Variants in CHD7 observed in about 807,000 individuals in gnomAD.
The protein encoded by CHD7 is ATP-dependent chromatin remodeler CHD7.
A neutral mutation model predicts 307.3 loss-of-function variants in CHD7; 24 were observed. That is an observed-to-expected ratio of 0.08 (90% CI 0.06 to 0.11). The LOEUF is 0.11. CHD7 is among the 10% of genes least tolerant of loss of function. The pLI is 1.00. For synonymous variants in CHD7, 1,363 were observed against 1,349.9 expected (o/e 1.01, Z -0.21); for missense variants, 3,106 against 3,727.1 (o/e 0.83, Z 4.34).
chr8:60,703,642 C>G (rs893655425), intron 1 of CHD7, among the ~76,000 whole-genome samples: 3 of 152,210 alleles, frequency 2.0e-5, no homozygotes, highest in Non-Finnish European at 4.4e-5. Context: ...ACAAGCTGAT[C>G]CATGATCTTG....
chr8:60,853,083 C>G lies in CHD7; in HGVS notation c.6358C>G (p.Pro2120Ala), dbSNP rs375490876. ...GACGGATTATCACATCCTCAATGAC[C>G]CTGAGTTATCCTTCTTGGATGCACA... ...SRTDYHILND[P>A]ELSFLDAHKN... is the part of the protein sequence containing the mutation. Residue 2120 changes from proline (P) to alanine (A), a missense_variant, in exon 31 of 38, where the codon CCT (proline) becomes GCT (alanine). Around this residue, in one of 10 missense-constraint regions of CHD7, gnomAD observed 1,030 missense variants for 1,165.4 expected, o/e 0.88. Coordinates refer to ENST00000423902, the MANE Select transcript of CHD7 (RefSeq NM_017780.4). 6 of 1,613,784 alleles carry G rather than the reference C, an allele frequency of 3.7e-6. No individual in the cohort carries two copies. The African/African-American group carries it at 6.7e-5, about 18-fold the overall frequency.
intron 2 of CHD7, among the ~76,000 whole-genome samples, chr8:60,746,865 T>G (rs1227724585): frequency 6.6e-6 from 1 of 152,210 alleles, no homozygotes; most frequent in East Asian, 1.9e-4. Flanking sequence ...GATTATTTGA[T>G]AAGATTTACA....
intron 1 of CHD7, among the ~76,000 whole-genome samples, chr8:60,699,980 A>G (rs1432464801): frequency 1.3e-5 from 2 of 151,616 alleles, no homozygotes; most frequent in Non-Finnish European, 2.9e-5. Flanking sequence ...ACAGGCATGC[A>G]CCACCATGCC....
At chr8:60,718,518 T>C (rs1468810651) in intron 1 of CHD7, among the ~76,000 whole-genome samples, 1 of 151,864 alleles carries the variant, frequency 6.6e-6, no homozygotes, top group Non-Finnish European at 1.5e-5. Context: ...AAAACTAAAC[T>C]AAATTAAACA....
intron 1 of CHD7, among the ~76,000 whole-genome samples, chr8:60,697,939 C>A (rs1415602544): frequency 6.6e-6 from 1 of 152,204 alleles, no homozygotes; most frequent in African/African-American, 2.4e-5. Flanking sequence ...TCCTCAGCTA[C>A]TGGACCAAAT....
At position 60,755,473 on chromosome 8, in the gene CHD7, G is replaced by C. The variant is rs150643831; in HGVS notation, c.1665+12376G>C. On this transcript the variant is annotated intron_variant, in intron 2 of 37. Coordinates refer to ENST00000423902, the MANE Select transcript of CHD7 (RefSeq NM_017780.4). ...CTTTGCTCAAATTTAAATATAGGGA[G>C]AAGACCCTTTTGTTTATTATCTTCC... Among the ~76,000 whole-genome samples, 470 of 152,048 alleles carry C rather than the reference G, an allele frequency of 3.1e-3. 6 individuals carry two copies. Among genetic ancestry groups the C allele is most frequent in the African/African-American group, 0.011 (448 of 41,484 alleles).
intron 31 of CHD7, 50 bp downstream of exon 31, chr8:60,853,550 G>A: frequency 7.0e-7 from 1 of 1,421,866 alleles, no homozygotes; most frequent in Non-Finnish European, 9.4e-7. Context: ...AGCTGGTTGT[G>A]AGATGCGTTG....
intron 19 of CHD7, among the ~76,000 whole-genome samples, chr8:60,840,416 G>A (rs1028022055): frequency 2.6e-5 from 4 of 152,142 alleles, no homozygotes; most frequent in Non-Finnish European, 4.4e-5. Flanking sequence ...TCATTCAGAT[G>A]CCTGAGATGG....
intron 1 of CHD7, among the ~76,000 whole-genome samples, chr8:60,693,110 G>A (rs1368314079): frequency 6.6e-6 from 1 of 152,146 alleles, no homozygotes; most frequent in East Asian, 1.9e-4. Context: ...CCCAGCTGAT[G>A]GGCTGCTCCA....
chr8:60,853,897 GAAGTA>G (rs1805590428), intron 31 of CHD7, among the ~76,000 whole-genome samples: 1 of 151,802 alleles, frequency 6.6e-6, no homozygotes, highest in Admixed American at 6.5e-5. Context: ...TTTTGATTCA[GAAGTA>G]AAGAGTGGGA....
intron 15 of CHD7, 127 bp from the exon 16 acceptor site, chr8:60,835,946 C>A: frequency 1.5e-6 from 1 of 680,872 alleles, no homozygotes; most frequent in Non-Finnish European, 2.5e-6. Context: ...TGGATGGATT[C>A]TTGTTCATAA....
chr8:60,756,247 C>G (rs1380904555), intron 2 of CHD7, among the ~76,000 whole-genome samples: 1 of 152,104 alleles, frequency 6.6e-6, no homozygotes. Context: ...CACTTTTATT[C>G]TCTCTCACCT....
chr8:60,853,665 G>A (rs1454531125), intron 31 of CHD7, among the ~76,000 whole-genome samples, 165 bp downstream of exon 31: 1 of 152,110 alleles, frequency 6.6e-6, no homozygotes, highest in Non-Finnish European at 1.5e-5. Flanking sequence ...TTTTGCTCTC[G>A]CACCTTATAG....
At chr8:60,828,867 C>G (rs1804372170) in intron 14 of CHD7, 61 bp downstream of exon 14, 2 of 1,457,782 alleles carry the variant, frequency 1.4e-6, no homozygotes, top group Non-Finnish European at 1.9e-6. Flanking sequence ...CATGAAATGG[C>G]AAAGTATTAA....
At position 60,742,659 on chromosome 8, in the gene CHD7, T is replaced by C; in HGVS notation, c.1227T>C (p.Pro409=). The change falls in exon 2 of 38, where the codon CCT becomes CCC. Residue 409 remains proline (P), a synonymous_variant. Coordinates refer to ENST00000423902, the MANE Select transcript of CHD7 (RefSeq NM_017780.4). ...MKAMSNPAGT[P]PPQVRPGSAG... is the part of the protein sequence containing the mutation. The stretch of plus-strand genomic sequence containing the variant: ...CAATGAGTAATCCAGCAGGCACTCC[T>C]CCTCCACAAGTCAGGCCGGGAAGTG... 1.2e-6 allele frequency: 2 copies of C among 1,610,500 alleles called. No homozygotes were observed. The highest frequency in any genetic ancestry group is 2.2e-5 in the East Asian group (1 of 44,822).
At chr8:60,718,614 G>A (rs1586209713) in intron 1 of CHD7, among the ~76,000 whole-genome samples, 2 of 152,290 alleles carry the variant, frequency 1.3e-5, no homozygotes, top group Non-Finnish European at 2.9e-5. Flanking sequence ...CGTCTTTTAA[G>A]TTGTAAAAGT....
At chr8:60,722,854 A>G (rs1293000901) in intron 1 of CHD7, among the ~76,000 whole-genome samples, 1 of 152,218 alleles carries the variant, frequency 6.6e-6, no homozygotes, top group Non-Finnish European at 1.5e-5. Context: ...GAATTTTTGC[A>G]TAGCCTTCTC....
intron 1 of CHD7, among the ~76,000 whole-genome samples, chr8:60,679,353 C>T (rs1214125303): frequency 1.4e-5 from 2 of 142,308 alleles, no homozygotes; most frequent in African/African-American, 2.5e-5. Context: ...TGCCTGCGTC[C>T]GCCGGGCCGG....
At chr8:60,788,144 G>A (rs1811591547) in intron 3 of CHD7, among the ~76,000 whole-genome samples, 2 of 150,854 alleles carry the variant, frequency 1.3e-5, no homozygotes, top group South Asian at 4.2e-4. Context: ...TTTTTTTTGA[G>A]ACAGGGTCTT....
Sources: allele counts gnomAD v4.1 joint callset (sites outside exome capture counted in the v4.1 genomes callset), GRCh38; gene constraint gnomAD v4.1.1; regional missense constraint gnomAD v4.1.1; transcripts MANE v1.5; gene names NCBI Gene and HGNC (gene_info 2026-07-23, HGNC 2026-07-21).